The following TOX4 variants were observed in gnomAD, a reference collection of about 807,000 sequenced individuals.
TOX4 encodes epidermal Langerhans cell protein LCP1.
In TOX4, 12 loss-of-function variants were observed where a neutral mutation model predicts 61.0. The ratio of observed to expected loss-of-function variants is 0.20; its 90% CI spans 0.13 to 0.32. TOX4 has a LOEUF of 0.32. Among genes scored for constraint, TOX4 ranks in the 10% least tolerant of loss-of-function variants. The probability of loss-of-function intolerance (pLI) is 1.00; values close to 1 mark genes in which losing one functional copy is unlikely to be tolerated. For missense variants in TOX4, 499 were observed against 753.3 expected (o/e 0.66, Z 3.95); for synonymous variants, 268 against 274.8 (o/e 0.98, Z 0.24).
At chr14:21,487,069 G>T (rs1281189441) in intron 2 of TOX4, among the ~76,000 whole-genome samples, 1 of 152,162 alleles carries the variant, frequency 6.6e-6, no homozygotes, top group African/African-American at 2.4e-5. Context: ...TGAAATAACT[G>T]CTCTATTAGA....
rs554637332 is a variant in TOX4 at position 21,494,296 on chromosome 14, C to T, written c.1642-933C>T. Among the ~76,000 whole-genome samples, 4 of 152,178 alleles carry T rather than the reference C, an allele frequency of 2.6e-5. No homozygotes were observed. The East Asian group carries it at 5.8e-4, about 22-fold the overall frequency. The stretch of plus-strand genomic sequence containing the variant: ...GCAGAAAAATTTAATTGGTTCATAC[C>T]GTTATTTTTTAAAACAGACATAAAT... On this transcript the variant is annotated intron_variant, in intron 7 of 8. Transcript: ENST00000448790.
chr14:21,477,331 C>T lies in TOX4; in HGVS notation c.6+47C>T, dbSNP rs1891010359. 4 of 1,613,846 alleles carry T rather than the reference C, an allele frequency of 2.5e-6. No homozygotes were observed. The African/African-American group carries it at 4.0e-5, about 16-fold the overall frequency. ...AGGCTGGCGAGAGAACGCGGCCGAC[C>T]GGGTTGAAGCAGGGACGGGAAGCCG... On this transcript the variant is annotated intron_variant, in intron 1 of 8. Transcript: ENST00000448790.
In TOX4 at chr14:21,497,214, A is replaced by G. The variant is rs944401998; in HGVS notation, c.*608A>G. Reference sequence around the variant, plus strand: ...ATGAATCTAAGAGGCGGAACTCTACATCATTAGTAAGAGGTTCCACCAAAG... The same window carrying G: ...ATGAATCTAAGAGGCGGAACTCTACGTCATTAGTAAGAGGTTCCACCAAAG... On this transcript the variant is annotated 3_prime_UTR_variant, in exon 9 of 9. Coordinates refer to ENST00000448790, the MANE Select transcript of TOX4 (RefSeq NM_014828.4). 3 of 152,262 alleles carry G rather than the reference A, an allele frequency of 2.0e-5. No individual in the cohort carries two copies. Among genetic ancestry groups the G allele is most frequent in the African/African-American group, 7.2e-5 (3 of 41,446 alleles). 9.4% of individuals were successfully genotyped at this position (152,262 alleles called of 1,614,324 possible).
At chr14:21,494,483 C>A (rs1429443612) in intron 7 of TOX4, among the ~76,000 whole-genome samples, 1 of 152,162 alleles carries the variant, frequency 6.6e-6, no homozygotes, top group East Asian at 1.9e-4. Flanking sequence ...AGCGGTGGCT[C>A]ACGCCTGTAA....
chr14:21,492,487 T>C (rs751056783), intron 6 of TOX4, 21 bp from the exon 7 acceptor site: 26 of 1,611,044 alleles, frequency 1.6e-5, no homozygotes, highest in South Asian at 6.6e-5. Context: ...AATTGATAGA[T>C]TGATTTATGT....
At chr14:21,480,920 T>G (rs374896242) in intron 2 of TOX4, among the ~76,000 whole-genome samples, 3 of 152,014 alleles carry the variant, frequency 2.0e-5, no homozygotes, top group East Asian at 3.9e-4. Flanking sequence ...GAGAAACCCC[T>G]TCTCTACTAA....
chr14:21,480,552 A>C (rs1891090134), intron 2 of TOX4, among the ~76,000 whole-genome samples: 1 of 152,056 alleles, frequency 6.6e-6, no homozygotes, highest in Non-Finnish European at 1.5e-5. Flanking sequence ...TTTTTTTTAC[A>C]AGAGAGGAAA....
At chr14:21,491,880 G>A (rs1891298339) in intron 5 of TOX4, among the ~76,000 whole-genome samples, 1 of 151,506 alleles carries the variant, frequency 6.6e-6, no homozygotes, top group Non-Finnish European at 1.5e-5. Context: ...GCGTGGTGGC[G>A]GGTGCCTATA....
chr14:21,478,814 C>CTTT (rs1198552119), intron 2 of TOX4, among the ~76,000 whole-genome samples: 2 of 144,984 alleles, frequency 1.4e-5, no homozygotes, highest in Admixed American at 1.4e-4. Flanking sequence ...TTTTTTCTTT[C>CTTT]TTTTTTTTTT....
chr14:21,486,632 C>G (rs1346462396), intron 2 of TOX4, among the ~76,000 whole-genome samples: 2 of 152,152 alleles, frequency 1.3e-5, no homozygotes, highest in Non-Finnish European at 2.9e-5. Context: ...AGTGTCAAAA[C>G]AGAACCATAG....
chr14:21,492,569 C>A lies in TOX4; in HGVS notation c.953C>A (p.Pro318His). 6.2e-7 allele frequency: 1 copy of A among 1,613,934 alleles called. No homozygotes were observed. Among genetic ancestry groups the A allele is most frequent in the East Asian group, 2.2e-5 (1 of 44,870 alleles). ...CCATCACAAACTCCTTCTCCACCTCCTATGGCTACTGTTGACCCAGCATCT... is the reference window on the plus strand; with the variant it reads ...CCATCACAAACTCCTTCTCCACCTCATATGGCTACTGTTGACCCAGCATCT... ...APPSQTPSPP[P>H]MATVDPASPA... The change falls in exon 7 of 9, where the codon CCT becomes CAT. Residue 318 changes from proline to histidine, a missense_variant. Pro to His is a moderately conservative substitution (Grantham distance 77). Around this residue, in one of 7 missense-constraint regions of TOX4, gnomAD observed 296 missense variants for 404.7 expected, o/e 0.73. Transcript: ENST00000448790.
rs1406642498 is a variant in TOX4, at chr14:21,477,472, C to T, written c.7-24C>T. The T allele has an allele frequency of 1.9e-6, 3 of 1,612,936 alleles. No homozygotes were observed. The African/African-American group carries it at 4.0e-5, about 22-fold the overall frequency. ...ACTCCCTGCTCCCCCTAACTTATCC[C>T]CGCGACTTTCTTTTGGTTTCCAGTT... On this transcript the variant is annotated intron_variant, in intron 1 of 8. Transcript: ENST00000448790.
At chr14:21,492,455 A>C in intron 6 of TOX4, 53 bp from the exon 7 acceptor site, 1 of 1,610,998 alleles carries the variant, frequency 6.2e-7, no homozygotes, top group Non-Finnish European at 8.5e-7. Flanking sequence ...TTTAAGAAGT[A>C]AATACCACCA....
Position 21,498,377 on chromosome 14 carries a change from AGT to A in TOX4, c.*1774_*1775del. On this transcript the variant is annotated 3_prime_UTR_variant, in exon 9 of 9. Transcript: ENST00000448790. ...TGGTTTCCAAGGGTGATCCTGAAAC[AGT>A]GTAAAAGGAGGGGCAAACCAGAAAT... The A allele has an allele frequency of 6.2e-7, 1 of 1,613,816 alleles. No homozygotes were observed. Among genetic ancestry groups the A allele is most frequent in the Non-Finnish European group, 8.5e-7 (1 of 1,179,898 alleles).
intron 8 of TOX4, 38 bp from the exon 9 acceptor site, chr14:21,496,508 T>C: frequency 1.3e-6 from 2 of 1,559,188 alleles, no homozygotes; most frequent in Non-Finnish European, 1.8e-6. Context: ...TTTCAGTTTG[T>C]GTATAATTCT....
intron 8 of TOX4, 86 bp downstream of exon 8, chr14:21,495,478 C>G (rs1008212684): frequency 4.0e-6 from 6 of 1,486,510 alleles, no homozygotes; most frequent in Non-Finnish European, 5.5e-6. Flanking sequence ...AAATCAGCAT[C>G]TCAGTGTCAC....
rs1379092852 is a variant in TOX4, at chr14:21,488,912, A to G, written c.579+62A>G. The G allele has an allele frequency of 1.7e-5, 27 of 1,590,694 alleles. No individual in the cohort carries two copies. The Admixed American group carries it at 4.1e-4, about 24-fold the overall frequency. ...TAGTCTGGGATAAAATTTTTGGGAT[A>G]CAGAGCCTAATCAGTATTCTTTACC... On this transcript the variant is annotated intron_variant, in intron 4 of 8. Transcript: ENST00000448790.
At chr14:21,480,119 C>T (rs1891083301) in intron 2 of TOX4, among the ~76,000 whole-genome samples, 1 of 152,130 alleles carries the variant, frequency 6.6e-6, no homozygotes, top group Non-Finnish European at 1.5e-5. Flanking sequence ...AGGTGTGAGC[C>T]ACCATGCCAG....
At chr14:21,491,835 C>T (rs1213503794) in intron 5 of TOX4, among the ~76,000 whole-genome samples, 1 of 150,808 alleles carries the variant, frequency 6.6e-6, no homozygotes, top group Admixed American at 6.6e-5. Flanking sequence ...CACAGCGAAA[C>T]CCCATCTCTA....
Sources: gnomAD v4.1 joint callset for allele counts (sites outside exome capture counted in the v4.1 genomes callset) on GRCh38, gnomAD v4.1.1 for gene constraint, gnomAD v4.1.1 regional missense constraint, MANE v1.5 for transcripts, NCBI Gene and HGNC (gene_info 2026-07-23, HGNC 2026-07-21) for gene names.